IL19: variants seen among roughly 807,000 people sequenced by gnomAD.
IL19 encodes interleukin-19.
A neutral mutation model predicts 19.5 loss-of-function variants in IL19; 15 were observed. The observed-to-expected ratio is 0.77, with a 90% CI of 0.52 to 1.19. IL19 has a LOEUF of 1.19. Among genes scored for constraint, IL19 ranks in the 50% most tolerant of loss-of-function variants. The pLI is 0.00. For missense variants in IL19, 199 were observed against 213.1 expected, an observed-to-expected ratio of 0.93 and a Z score of 0.41; for synonymous variants, 78 against 78.3, an observed-to-expected ratio of 1.00 and a Z score of 0.02.
chr1:206,841,381 A>T (rs1677012450), intron 6 of IL19, among the ~76,000 whole-genome samples: 1 of 152,240 alleles, frequency 6.6e-6, no homozygotes, highest in Non-Finnish European at 1.5e-5. Context: ...GGGAGCAAAG[A>T]TCCCCCATGA....
rs767727378 is a variant in IL19, at chr1:206,770,949, C to G, written c.-278C>G. On this transcript the variant is annotated 5_prime_UTR_variant, in exon 1 of 7. Transcript: ENST00000659997. Reference sequence around the variant, plus strand: ...GCCTGAGGGTCTTCAGGTTCTCCCCCAGGGAGTTCACATGCGCCTTGATGT... The same window carrying G: ...GCCTGAGGGTCTTCAGGTTCTCCCCGAGGGAGTTCACATGCGCCTTGATGT... 9.9e-6 allele frequency: 16 copies of G among 1,614,060 alleles called. No homozygotes were observed. The highest frequency in any genetic ancestry group is 1.4e-5 in the Non-Finnish European group (16 of 1,180,024).
chr1:206,828,414 T>C (rs888938865), intron 2 of IL19, among the ~76,000 whole-genome samples: 1 of 152,204 alleles, frequency 6.6e-6, no homozygotes, highest in Non-Finnish European at 1.5e-5. Context: ...TCCTCCTGCT[T>C]TCTGGGCATG....
At chr1:206,810,800 CA>C (rs922309112) in intron 2 of IL19, among the ~76,000 whole-genome samples, 7 of 152,174 alleles carry the variant, frequency 4.6e-5, no homozygotes, top group African/African-American at 1.7e-4. Flanking sequence ...GTGTTTGGGT[CA>C]GGGGGACAGA....
intron 2 of IL19, among the ~76,000 whole-genome samples, chr1:206,812,426 G>A (rs1472814728): frequency 1.3e-5 from 2 of 152,178 alleles, no homozygotes. Context: ...GGATCCTCAT[G>A]ATGCCAAACC....
chr1:206,804,879 A>C (rs1675806507), intron 2 of IL19, among the ~76,000 whole-genome samples: 1 of 152,224 alleles, frequency 6.6e-6, no homozygotes, highest in Non-Finnish European at 1.5e-5. Flanking sequence ...TGCTAACTGC[A>C]TGGGTGAAAT....
At position 206,809,856 on chromosome 1, in the gene IL19, T is replaced by A. The variant is rs571758698; in HGVS notation, c.-3+10850T>A. On this transcript the variant is annotated intron_variant, in intron 2 of 6. Transcript: ENST00000659997. ...TCTGACAGGAACTTCCCCAGATTCA[T>A]CAGTAGATTGCATGTTGCAGCTCAG... is the stretch of plus-strand genomic sequence containing the variant. Among the ~76,000 whole-genome samples, 4 of 152,356 alleles carry A rather than the reference T, an allele frequency of 2.6e-5. No homozygotes were observed. In the East Asian group the frequency reaches 7.7e-4, roughly 29 times the overall value.
intron 1 of IL19, among the ~76,000 whole-genome samples, chr1:206,793,468 G>A (rs1675450517): frequency 6.6e-6 from 1 of 152,194 alleles, no homozygotes; most frequent in African/African-American, 2.4e-5. Flanking sequence ...TGGCAGTCGT[G>A]CTCTGATCGA....
At chr1:206,789,424 G>A (rs187323712) in intron 1 of IL19, among the ~76,000 whole-genome samples, 102 of 152,310 alleles carry the variant, frequency 6.7e-4, no homozygotes, top group African/African-American at 2.4e-3. Flanking sequence ...ACTTGTAAGT[G>A]AGAACATGGG....
At chr1:206,817,723 GGAGATATA>G (rs1167744032) in intron 2 of IL19, among the ~76,000 whole-genome samples, 1 of 151,418 alleles carries the variant, frequency 6.6e-6, no homozygotes, top group Non-Finnish European at 1.5e-5. Context: ...AGAACTACAA[GGAGATATA>G]GAAAAATTTA....
At chr1:206,788,061 T>C (rs552914910) in intron 1 of IL19, among the ~76,000 whole-genome samples, 1 of 152,304 alleles carries the variant, frequency 6.6e-6, no homozygotes, top group African/African-American at 2.4e-5. Context: ...TGTGACATGG[T>C]TGGGGAAACA....
intron 2 of IL19, among the ~76,000 whole-genome samples, chr1:206,800,819 C>T (rs542374027): frequency 6.6e-5 from 10 of 152,308 alleles, no homozygotes; most frequent in Admixed American, 5.2e-4. Context: ...GTGTTAAGTC[C>T]GGGAGGCAGT....
rs887722090 is a variant in IL19, at chr1:206,833,733, G to T, written c.-2-2928G>T. The T allele has an allele frequency of 6.6e-5, 65 of 984,852 alleles. No homozygotes were observed. The African/African-American group carries it at 1.1e-3, about 16-fold the overall frequency. The allele number at this position is 984,852 out of a possible 1,614,324, so 61.0% of individuals were successfully genotyped here. A position where few individuals can be genotyped will look rare whatever the true frequency, so the allele number is the denominator to read the frequency against. ...TTCCAGTCTCATTTTCTCTCTCTCTGCATTAATCAAGAATGAGAGAACCCT... is the reference window on the plus strand; with the variant it reads ...TTCCAGTCTCATTTTCTCTCTCTCTTCATTAATCAAGAATGAGAGAACCCT... On this transcript the variant is annotated intron_variant, in intron 2 of 6. Transcript: ENST00000659997.
intron 2 of IL19, among the ~76,000 whole-genome samples, chr1:206,833,516 C>G (rs36214173): frequency 0.014 from 2,109 of 152,338 alleles, 28 homozygotes; most frequent in Non-Finnish European, 0.023. Flanking sequence ...AAACCAATTA[C>G]CCCCTGGAAA....
chr1:206,823,751 G>A (rs534365666), intron 2 of IL19, among the ~76,000 whole-genome samples: 7 of 152,146 alleles, frequency 4.6e-5, no homozygotes, highest in South Asian at 4.1e-4. Flanking sequence ...AACACTCTCC[G>A]TTGTCTGGAG....
chr1:206,830,880 G>A (rs971979927), intron 2 of IL19, among the ~76,000 whole-genome samples: 71 of 152,158 alleles, frequency 4.7e-4, no homozygotes, highest in African/African-American at 1.7e-3. Flanking sequence ...CCTGGCCTAC[G>A]TTTCTTTTTT....
intron 1 of IL19, among the ~76,000 whole-genome samples, chr1:206,785,255 C>G (rs1324206375): frequency 6.6e-6 from 1 of 152,140 alleles, no homozygotes; most frequent in Non-Finnish European, 1.5e-5. Context: ...CCATGGAACA[C>G]AAACATATAT....
chr1:206,779,217 CTA>C (rs1302604541), intron 1 of IL19, among the ~76,000 whole-genome samples: 1 of 152,202 alleles, frequency 6.6e-6, no homozygotes, highest in Non-Finnish European at 1.5e-5. Context: ...AGAGCATATT[CTA>C]TATGTGTCAA....
intron 2 of IL19, among the ~76,000 whole-genome samples, chr1:206,810,875 C>T (rs1419912640): frequency 6.6e-6 from 1 of 152,176 alleles, no homozygotes; most frequent in African/African-American, 2.4e-5. Flanking sequence ...TATTTGTTCA[C>T]CTGAGAGCTA....
chr1:206,798,829 G>A, intron 1 of IL19, 32 bp from the exon 2 acceptor site: 1 of 1,226,586 alleles, frequency 8.2e-7, no homozygotes, highest in South Asian at 1.3e-5. Flanking sequence ...GTACCTTTTT[G>A]TAATGATGAC....
Sources: gnomAD v4.1 joint callset for allele counts (sites outside exome capture counted in the v4.1 genomes callset) on GRCh38, gnomAD v4.1.1 for gene constraint, MANE v1.5 for transcripts, NCBI Gene and HGNC (gene_info 2026-07-23, HGNC 2026-07-21) for gene names.